The following PDE1C variants were observed in gnomAD, a reference collection of about 807,000 sequenced individuals.
PDE1C encodes dual specificity calcium/calmodulin-dependent 3',5'-cyclic nucleotide phosphodiesterase 1C.
PDE1C carries 62 observed loss-of-function variants against 93.1 expected under a neutral mutation model. The observed-to-expected ratio is 0.67, with a 90% confidence interval of 0.54 to 0.82. The LOEUF (loss-of-function observed/expected upper bound fraction) is 0.82. PDE1C is among the 40% of genes least tolerant of loss of function. The probability of loss-of-function intolerance (pLI) is 0.00; values close to 1 mark genes in which losing one functional copy is unlikely to be tolerated. For synonymous variants in PDE1C, 325 were observed against 310.1 expected, an observed-to-expected ratio of 1.05 and a Z score of -0.50; for missense variants, 742 against 884.6, an observed-to-expected ratio of 0.84 and a Z score of 2.04.
intron 2 of PDE1C, among the ~76,000 whole-genome samples, chr7:32,013,447 GTTATTTATA>G (rs1787441150): frequency 6.6e-6 from 1 of 152,214 alleles, no homozygotes; most frequent in South Asian, 2.1e-4. Flanking sequence ...AGGAGACAGG[GTTATTTATA>G]ACTTGACACA....
In PDE1C at chr7:32,216,114, C is replaced by G. The variant is rs117254108; in HGVS notation, c.86-6575G>C. 1.3e-4 allele frequency among the ~76,000 whole-genome samples: 20 copies of G among 152,328 alleles called. No individual in the cohort carries two copies. The East Asian group carries it at 2.3e-3, about 18-fold the overall frequency. ...TACCAGGTGTTTGACCTCACCTTGTCTTACCTTCAACTTGCAAAGACCCAA... is the reference window on the plus strand; with the variant it reads ...TACCAGGTGTTTGACCTCACCTTGTGTTACCTTCAACTTGCAAAGACCCAA... On this transcript the variant is annotated intron_variant, in intron 1 of 18. Coordinates refer to the PDE1C transcript ENST00000396193.
intron 1 of PDE1C, among the ~76,000 whole-genome samples, chr7:32,220,773 G>A (rs1405015387): frequency 2.0e-5 from 3 of 152,046 alleles, no homozygotes; most frequent in African/African-American, 4.8e-5. Context: ...AGCCGCGATC[G>A]CACCACTGCA....
chr7:31,629,478 TATC>T, the PDE1C span, among the ~76,000 whole-genome samples: 3 of 152,224 alleles, frequency 2.0e-5, no homozygotes, highest in Non-Finnish European at 4.4e-5. Flanking sequence ...TAGAAACAGT[TATC>T]ATTAGGTTGT....
chr7:31,844,998 T>C (rs1386542355), intron 9 of PDE1C, among the ~76,000 whole-genome samples: 1 of 152,100 alleles, frequency 6.6e-6, no homozygotes, highest in African/African-American at 2.4e-5. Flanking sequence ...AAACTTTGTT[T>C]TTAATTTATG....
intron 3 of PDE1C, chr7:32,077,909 T>A: frequency 1.0e-6 from 1 of 985,412 alleles, no homozygotes; most frequent in South Asian, 4.7e-5. Context: ...CCAAGAAGTC[T>A]GCCAGCTTCC....
At chr7:31,694,903 A>T in the PDE1C span, among the ~76,000 whole-genome samples, 1 of 152,210 alleles carries the variant, frequency 6.6e-6, no homozygotes, top group Non-Finnish European at 1.5e-5. Flanking sequence ...ATCTTGAGTT[A>T]GGATGGGCAA....
At chr7:31,756,114 G>C (rs1438849690) in intron 17 of PDE1C, among the ~76,000 whole-genome samples, 1 of 152,138 alleles carries the variant, frequency 6.6e-6, no homozygotes, top group Non-Finnish European at 1.5e-5. Context: ...GGAGGTTGCA[G>C]TGAGCCAAGA....
At chr7:31,890,007 C>T (rs1176254215) in intron 2 of PDE1C, among the ~76,000 whole-genome samples, 3 of 151,996 alleles carry the variant, frequency 2.0e-5, no homozygotes, top group Non-Finnish European at 4.4e-5. Flanking sequence ...GAGTAAGATT[C>T]CAAATTATGC....
intron 1 of PDE1C, among the ~76,000 whole-genome samples, chr7:32,332,602 C>T (rs1783538546): frequency 6.6e-6 from 1 of 152,090 alleles, no homozygotes; most frequent in African/African-American, 2.4e-5. Flanking sequence ...TTTAGGGGCA[C>T]TATTCATAAG....
chr7:32,147,701 AC>A lies in PDE1C; in HGVS notation c.308+22083del, dbSNP rs1031878099. Among the ~76,000 whole-genome samples, 4 of 148,732 alleles carry A rather than the reference AC, an allele frequency of 2.7e-5. No individual in the cohort carries two copies. The East Asian group carries it at 6.0e-4, about 22-fold the overall frequency. ...TTTAGGAACTTGGAATCTTCCTCCC[AC>A]CCCCCCTCCAAGCATTGAGACAACC... is the stretch of plus-strand genomic sequence containing the variant. On this transcript the variant is annotated intron_variant, in intron 3 of 18. Coordinates refer to the PDE1C transcript ENST00000396193.
intron 1 of PDE1C, among the ~76,000 whole-genome samples, chr7:32,416,968 A>G (rs1313185620): frequency 1.3e-5 from 2 of 152,116 alleles, no homozygotes; most frequent in Non-Finnish European, 2.9e-5. Context: ...ACCGCCACAT[A>G]TGGGAGCTAG....
chr7:31,671,737 G>T, the PDE1C span, among the ~76,000 whole-genome samples: 1 of 152,160 alleles, frequency 6.6e-6, no homozygotes, highest in African/African-American at 2.4e-5. Flanking sequence ...AAGACACTTT[G>T]CTAGATGGTC....
chr7:31,924,602 T>G (rs66524120), intron 2 of PDE1C, among the ~76,000 whole-genome samples: 1 of 152,074 alleles, frequency 6.6e-6, no homozygotes, highest in Non-Finnish European at 1.5e-5. Flanking sequence ...TTCTTTCCAA[T>G]GTCATTTCCT....
chr7:32,225,753 A>G (rs1031838398), intron 1 of PDE1C, among the ~76,000 whole-genome samples: 1 of 152,162 alleles, frequency 6.6e-6, no homozygotes, highest in African/African-American at 2.4e-5. Context: ...GTGTCAGCAA[A>G]GCTGTGTTAT....
chr7:31,889,890 A>C (rs1798410153), intron 2 of PDE1C, among the ~76,000 whole-genome samples: 1 of 152,216 alleles, frequency 6.6e-6, no homozygotes, highest in South Asian at 2.1e-4. Flanking sequence ...CCTAACAGTC[A>C]TTCTTGGCCT....
chr7:32,239,929 C>T (rs556891721), intron 1 of PDE1C, among the ~76,000 whole-genome samples: 1 of 152,342 alleles, frequency 6.6e-6, no homozygotes, highest in Non-Finnish European at 1.5e-5. Flanking sequence ...TAAGAGCCAG[C>T]ATGCAATTCA....
chr7:32,215,878 G>A (rs1283792800), intron 1 of PDE1C, among the ~76,000 whole-genome samples: 1 of 152,224 alleles, frequency 6.6e-6, no homozygotes, highest in African/African-American at 2.4e-5. Flanking sequence ...CCAGAGCAGA[G>A]CTTGGCTTCC....
the PDE1C span, among the ~76,000 whole-genome samples, chr7:31,627,992 C>T: frequency 6.6e-6 from 1 of 152,048 alleles, no homozygotes; most frequent in East Asian, 1.9e-4. Context: ...AAGGAACCAA[C>T]AAGAAATGTG....
At chr7:31,781,148 C>T (rs189979798) in intron 16 of PDE1C, among the ~76,000 whole-genome samples, 239 of 152,272 alleles carry the variant, frequency 1.6e-3, no homozygotes, top group African/African-American at 5.4e-3. Flanking sequence ...TCAGGGTGAA[C>T]GCACACCTAA....
Sources: gnomAD v4.1 joint callset for allele counts (sites outside exome capture counted in the v4.1 genomes callset) on GRCh38, gnomAD v4.1.1 for gene constraint, MANE v1.5 for transcripts, NCBI Gene and HGNC (gene_info 2026-07-23, HGNC 2026-07-21) for gene names.